LINGO2: variants seen among roughly 807,000 people sequenced by gnomAD.
LINGO2 encodes the protein leucine rich repeat and Ig domain containing 2, also known as leucine-rich repeat and immunoglobulin-like domain-containing nogo receptor-interacting protein 2.
In LINGO2, 14 loss-of-function variants were observed where a neutral mutation model predicts 30.6. That is an observed-to-expected ratio of 0.46 (90% CI 0.30 to 0.72). LINGO2 has a LOEUF of 0.72. LINGO2 is among the 30% of genes least tolerant of loss of function. LINGO2 has a pLI of 0.07. For missense variants in LINGO2, 729 were observed against 751.7 expected, an observed-to-expected ratio of 0.97 and a Z score of 0.35; for synonymous variants, 317 against 288.5, an observed-to-expected ratio of 1.10 and a Z score of -1.00.
chr9:28,209,711 C>T (rs1011500636), intron 4 of LINGO2, among the ~76,000 whole-genome samples: 3 of 151,140 alleles, frequency 2.0e-5, no homozygotes, highest in African/African-American at 4.9e-5. Flanking sequence ...TGAAAGAGTA[C>T]ATCAGAAAAA....
the LINGO2 span, among the ~76,000 whole-genome samples, chr9:28,793,906 C>T: frequency 6.0e-4 from 91 of 152,284 alleles, no homozygotes; most frequent in South Asian, 0.018. Flanking sequence ...ATTTAAGGAA[C>T]TGGGAACTCC....
intron 1 of LINGO2, among the ~76,000 whole-genome samples, chr9:28,555,259 T>C (rs1822584540): frequency 7.1e-6 from 1 of 141,242 alleles, no homozygotes; most frequent in South Asian, 2.2e-4. Flanking sequence ...GCAAGACTAA[T>C]AGAGAAAAAA....
At chr9:28,785,703 CACAT>C in the LINGO2 span, among the ~76,000 whole-genome samples, 1 of 147,294 alleles carries the variant, frequency 6.8e-6, no homozygotes, top group Non-Finnish European at 1.5e-5. Flanking sequence ...CACACACACA[CACAT>C]GCACACACAC....
At chr9:28,976,858 G>A in the LINGO2 span, among the ~76,000 whole-genome samples, 9 of 151,976 alleles carry the variant, frequency 5.9e-5, no homozygotes, top group Admixed American at 3.3e-4. Context: ...TGGTCTATCA[G>A]TTCTCATTAA....
intron 1 of LINGO2, among the ~76,000 whole-genome samples, chr9:28,580,134 T>C (rs117731763): frequency 0.011 from 1,600 of 152,166 alleles, 24 homozygotes; most frequent in Admixed American, 0.034. Flanking sequence ...AAACCTTGTT[T>C]CTTCACTGGT....
At chr9:28,945,587 G>A in the LINGO2 span, among the ~76,000 whole-genome samples, 1 of 152,014 alleles carries the variant, frequency 6.6e-6, no homozygotes, top group African/African-American at 2.4e-5. Flanking sequence ...CAGTTAGTGG[G>A]GTATACCAGA....
chr9:28,290,078 A>G (rs1261294631), intron 4 of LINGO2, among the ~76,000 whole-genome samples: 2 of 152,142 alleles, frequency 1.3e-5, no homozygotes, highest in Admixed American at 6.5e-5. Context: ...TTAACTCTCC[A>G]TCATTCTTCT....
the LINGO2 span, among the ~76,000 whole-genome samples, chr9:29,065,943 T>C: frequency 1.3e-5 from 2 of 151,982 alleles, no homozygotes; most frequent in African/African-American, 4.8e-5. Flanking sequence ...TTATTTCTGT[T>C]GGAAATATTG....
the LINGO2 span, among the ~76,000 whole-genome samples, chr9:28,905,021 G>A: frequency 0.17 from 25,334 of 151,616 alleles, 2,222 homozygotes; most frequent in East Asian, 0.28. Context: ...AACACACAAC[G>A]GGCAAAGAAC....
chr9:27,958,992 T>C (rs780991947), intron 5 of LINGO2, among the ~76,000 whole-genome samples: 20 of 152,216 alleles, frequency 1.3e-4, no homozygotes, highest in Non-Finnish European at 2.4e-4. Flanking sequence ...TTACATGTCC[T>C]ATTTCCTTGT....
At chr9:28,244,318 C>A (rs1458818872) in intron 4 of LINGO2, among the ~76,000 whole-genome samples, 1 of 152,084 alleles carries the variant, frequency 6.6e-6, no homozygotes, top group Non-Finnish European at 1.5e-5. Context: ...TGGAACACAG[C>A]TAAAGCAGTT....
At chr9:29,126,496 A>G in the LINGO2 span, among the ~76,000 whole-genome samples, 1 of 152,246 alleles carries the variant, frequency 6.6e-6, no homozygotes, top group African/African-American at 2.4e-5. Context: ...TATTTATAAA[A>G]TATTTCCTTC....
At chr9:28,240,937 A>G (rs1353006466) in intron 4 of LINGO2, among the ~76,000 whole-genome samples, 2 of 152,156 alleles carry the variant, frequency 1.3e-5, no homozygotes, top group Non-Finnish European at 2.9e-5. Flanking sequence ...CCGACAAGGG[A>G]TTAATAACCA....
the LINGO2 span, among the ~76,000 whole-genome samples, chr9:28,737,791 ATTAG>A: frequency 2.0e-5 from 3 of 152,124 alleles, no homozygotes; most frequent in East Asian, 3.9e-4. Context: ...ATCCAATAAA[ATTAG>A]TTAAGTAAGA....
intron 1 of LINGO2, among the ~76,000 whole-genome samples, chr9:28,514,025 T>C (rs554738213): frequency 1.3e-5 from 2 of 152,318 alleles, no homozygotes; most frequent in Admixed American, 1.3e-4. Context: ...AACTATTCAT[T>C]ATTATTATAT....
chr9:27,958,765 G>T (rs185824698), intron 5 of LINGO2, among the ~76,000 whole-genome samples: 1 of 148,950 alleles, frequency 6.7e-6, no homozygotes, highest in Non-Finnish European at 1.5e-5. Context: ...ATACCCTGTG[G>T]TTAAGGGGGG....
intron 4 of LINGO2, among the ~76,000 whole-genome samples, chr9:28,054,025 G>T (rs529729714): frequency 1.3e-5 from 2 of 152,020 alleles, no homozygotes; most frequent in East Asian, 3.9e-4. Flanking sequence ...ATGCAATTCT[G>T]CATCTACAGA....
the LINGO2 span, among the ~76,000 whole-genome samples, chr9:28,963,821 C>T: frequency 6.6e-6 from 1 of 151,510 alleles, no homozygotes; most frequent in Non-Finnish European, 1.5e-5. Context: ...TTAATGGGTA[C>T]AAACATATAG....
the LINGO2 span, among the ~76,000 whole-genome samples, chr9:28,723,475 T>A: frequency 6.6e-6 from 1 of 152,146 alleles, no homozygotes; most frequent in Non-Finnish European, 1.5e-5. Flanking sequence ...GAAAATTCTA[T>A]ATTCCTTGAA....
Sources: gnomAD v4.1 joint callset for allele counts (sites outside exome capture counted in the v4.1 genomes callset) on GRCh38, gnomAD v4.1.1 for gene constraint, MANE v1.5 for transcripts, NCBI Gene and HGNC (gene_info 2026-07-23, HGNC 2026-07-21) for gene names.